Variants in SUV39H2 observed in about 807,000 individuals in gnomAD.
SUV39H2 encodes histone-lysine N-methyltransferase SUV39H2.
A neutral mutation model predicts 47.5 loss-of-function variants in SUV39H2; 10 were observed. The ratio of observed to expected loss-of-function variants is 0.21; its 90% CI spans 0.13 to 0.36. The LOEUF (loss-of-function observed/expected upper bound fraction) is 0.36, where lower values mean the gene tolerates loss of function less well. Among genes scored for constraint, SUV39H2 ranks in the 10% least tolerant of loss-of-function variants. The pLI, the probability that SUV39H2 is intolerant of heterozygous loss-of-function variation, is 1.00. For synonymous variants in SUV39H2, 159 were observed against 166.8 expected (o/e 0.95, Z 0.36); for missense variants, 266 against 487.4 (o/e 0.55, Z 4.28).
At chr10:14,893,158 C>G (rs1044714069) in intron 2 of SUV39H2, among the ~76,000 whole-genome samples, 2 of 151,538 alleles carry the variant, frequency 1.3e-5, no homozygotes, top group African/African-American at 4.8e-5. Flanking sequence ...CGCCCGCCAC[C>G]TCGCCCGGCT....
chr10:14,896,566 C>T (rs1046359390), intron 2 of SUV39H2, among the ~76,000 whole-genome samples: 1 of 152,176 alleles, frequency 6.6e-6, no homozygotes. Context: ...GTAACATAGT[C>T]ATCAGTTTCA....
chr10:14,884,722 A>G (rs1833150966), intron 2 of SUV39H2, among the ~76,000 whole-genome samples: 1 of 152,004 alleles, frequency 6.6e-6, no homozygotes, highest in Non-Finnish European at 1.5e-5. Flanking sequence ...CCCATTTAAC[A>G]CTGTTGGCTA....
In SUV39H2 at chr10:14,902,660, C is replaced by T. The variant is rs373567048; in HGVS notation, c.*148C>T. ...TCAAGACATTTGCCAAATGTATTAC[C>T]GATGCCTCTGAAAAGGGGGTCACTG... On this transcript the variant is annotated 3_prime_UTR_variant, in exon 6 of 6. Coordinates refer to ENST00000354919, the MANE Select transcript of SUV39H2 (RefSeq NM_001193424.2). 16 of 547,564 alleles carry T rather than the reference C, an allele frequency of 2.9e-5. No individual in the cohort carries two copies. The highest frequency in any genetic ancestry group is 2.3e-4 in the African/African-American group (12 of 52,228). 33.9% of individuals were successfully genotyped at this position (547,564 alleles called of 1,614,324 possible). A position where few individuals can be genotyped will look rare whatever the true frequency, so the allele number is the denominator to read the frequency against.
intron 2 of SUV39H2, among the ~76,000 whole-genome samples, chr10:14,883,910 T>G (rs1833124836): frequency 6.6e-6 from 1 of 152,164 alleles, no homozygotes; most frequent in Non-Finnish European, 1.5e-5. Flanking sequence ...TGGTTGGACA[T>G]TTCATATAAA....
At chr10:14,901,340 T>C (rs1446760993) in intron 5 of SUV39H2, 78 bp downstream of exon 5, 2 of 1,571,602 alleles carry the variant, frequency 1.3e-6, no homozygotes, top group Non-Finnish European at 1.7e-6. Flanking sequence ...AGACCTTAGA[T>C]ATTTGAACCA....
rs1833854770 is a variant in SUV39H2 at position 14,899,577 on chromosome 10, C to T, written c.888C>T (p.Phe296=). The change falls in exon 4 of 6, where the codon TTC becomes TTT. Residue 296 remains phenylalanine, a synonymous_variant. Coordinates refer to ENST00000354919, the MANE Select transcript of SUV39H2 (RefSeq NM_001193424.2). ...TSEEAERRGQ[F]YDNKGITYLF... The stretch of plus-strand genomic sequence containing the variant: ...AAGAAGCTGAAAGACGAGGACAGTT[C>T]TATGACAACAAGGGAATCACGTATC... The T allele has an allele frequency of 6.2e-7, 1 of 1,614,116 alleles. No individual in the cohort carries two copies. Among genetic ancestry groups the T allele is most frequent in the Non-Finnish European group, 8.5e-7 (1 of 1,180,012 alleles).
chr10:14,885,482 T>C (rs974894753), intron 2 of SUV39H2, among the ~76,000 whole-genome samples: 1 of 152,234 alleles, frequency 6.6e-6, no homozygotes, highest in Non-Finnish European at 1.5e-5. Context: ...GAATTAGTAA[T>C]AGTTACTTAC....
chr10:14,895,263 T>C (rs1320829076), intron 2 of SUV39H2, among the ~76,000 whole-genome samples: 1 of 151,356 alleles, frequency 6.6e-6, no homozygotes, highest in Non-Finnish European at 1.5e-5. Flanking sequence ...TGCAACCTCC[T>C]CCTCCTGGGT....
rs1833039350 is a variant in SUV39H2, at chr10:14,881,523, T to C, written c.55T>C (p.Ser19Pro). 1 of 1,584,010 alleles carries C rather than the reference T, an allele frequency of 6.3e-7. No homozygotes were observed. The highest frequency in any genetic ancestry group is 8.6e-7 in the Non-Finnish European group (1 of 1,168,788). ...RGAWCVPCLV[S>P]LDTLQELCRK... ...AGCTTGGTGTGTGCCTTGCCTAGTT[T>C]CACTTGATACTCTTCAGGAATTATG... Residue 19 changes from serine (S) to proline (P), a missense_variant, in exon 2 of 6, where the codon TCA becomes CCA. By Grantham distance (74) the Ser-to-Pro change is moderately conservative. Around this residue, in one of 4 missense-constraint regions of SUV39H2, gnomAD observed 31 missense variants for 27.5 expected, o/e 1.13. Transcript: ENST00000354919.
chr10:14,885,131 G>A (rs1216325732), intron 2 of SUV39H2, among the ~76,000 whole-genome samples: 1 of 152,058 alleles, frequency 6.6e-6, no homozygotes, highest in African/African-American at 2.4e-5. Context: ...TGCTCTGTAG[G>A]CAGCCTCTTT....
At chr10:14,893,521 G>GATGTA (rs1481582770) in intron 2 of SUV39H2, among the ~76,000 whole-genome samples, 2 of 152,104 alleles carry the variant, frequency 1.3e-5, no homozygotes, top group Non-Finnish European at 2.9e-5. Context: ...ATAAGATATT[G>GATGTA]ATGTAATAAG....
At chr10:14,892,999 ATTTTTTTTT>A (rs869161891) in intron 2 of SUV39H2, among the ~76,000 whole-genome samples, 1 of 79,940 alleles carries the variant, frequency 1.3e-5, no homozygotes. Context: ...AATTTTTTGT[ATTTTTTTTT>A]TTTTTTTTTT....
intron 1 of SUV39H2, among the ~76,000 whole-genome samples, chr10:14,880,735 G>T (rs1833017466): frequency 6.6e-6 from 1 of 152,192 alleles, no homozygotes; most frequent in Non-Finnish European, 1.5e-5. Flanking sequence ...GAGGGTTGAT[G>T]ATGAGTATGT....
Position 14,879,421 on chromosome 10 carries a change from AGAAAGGG to A in SUV39H2, c.31+505_31+511del, listed in dbSNP as rs1390085922. 3.9e-5 allele frequency among the ~76,000 whole-genome samples: 6 copies of A among 152,304 alleles called. No individual in the cohort carries two copies. In the East Asian group the frequency reaches 1.2e-3, roughly 29 times the overall value. On this transcript the variant is annotated intron_variant, in intron 1 of 5. Transcript: ENST00000354919. ...AGTAAATCGGGGCGCCTGTGTGCTAAGAAAGGGGATAAGCGAGGAATCCCCCCCAAGG... is the reference window on the plus strand; with the variant it reads ...AGTAAATCGGGGCGCCTGTGTGCTAAGATAAGCGAGGAATCCCCCCCAAGG...
rs370192469 is a variant in SUV39H2 at position 14,880,724 on chromosome 10, G to A, written c.32-776G>A. Among the ~76,000 whole-genome samples, 12 of 152,310 alleles carry A rather than the reference G, an allele frequency of 7.9e-5. No individual in the cohort carries two copies. In the South Asian group the frequency reaches 2.3e-3, roughly 29 times the overall value. On this transcript the variant is annotated intron_variant, in intron 1 of 5. Coordinates refer to ENST00000354919, the MANE Select transcript of SUV39H2 (RefSeq NM_001193424.2). ...GGAACGCAATTAGTTTCTGGTTTCT[G>A]GAGGGTTGATGATGAGTATGTCTAA... is the stretch of plus-strand genomic sequence containing the variant.
At chr10:14,889,715 G>A (rs1467632130) in intron 2 of SUV39H2, among the ~76,000 whole-genome samples, 2 of 152,140 alleles carry the variant, frequency 1.3e-5, no homozygotes, top group Non-Finnish European at 2.9e-5. Context: ...AAGTGGAGGA[G>A]GTCTAAAATA....
chr10:14,880,897 T>C (rs2076283282), intron 1 of SUV39H2, among the ~76,000 whole-genome samples: 1 of 152,232 alleles, frequency 6.6e-6, no homozygotes, highest in Admixed American at 6.5e-5. Flanking sequence ...GGTGATAATA[T>C]ATTGCAGTAT....
chr10:14,889,286 G>C (rs1181712313), intron 2 of SUV39H2, among the ~76,000 whole-genome samples: 1 of 151,946 alleles, frequency 6.6e-6, no homozygotes. Context: ...TTTTGAGGAG[G>C]TATTATGCAT....
intron 2 of SUV39H2, among the ~76,000 whole-genome samples, chr10:14,892,168 G>A (rs556450122): frequency 6.6e-6 from 1 of 152,266 alleles, no homozygotes; most frequent in Admixed American, 6.5e-5. Context: ...GGTGGCTGCC[G>A]CCTTAGAGAG....
Sources: allele counts gnomAD v4.1 joint callset (sites outside exome capture counted in the v4.1 genomes callset), GRCh38; gene constraint gnomAD v4.1.1; regional missense constraint gnomAD v4.1.1; transcripts MANE v1.5; gene names NCBI Gene and HGNC (gene_info 2026-07-23, HGNC 2026-07-21).